Variants in NFIC observed in about 807,000 individuals in gnomAD.
NFIC encodes the protein nuclear factor 1 C-type.
NFIC carries 12 observed loss-of-function variants against 54.4 expected under a neutral mutation model. That is an observed-to-expected ratio of 0.22 (90% CI 0.14 to 0.36). The LOEUF (loss-of-function observed/expected upper bound fraction) is 0.36, where lower values mean the gene tolerates loss of function less well. Ranked by LOEUF, NFIC falls within the 10% of genes least tolerant of loss-of-function variation. The pLI is 1.00. For synonymous variants in NFIC, 322 were observed against 319.2 expected (o/e 1.01, Z -0.09); for missense variants, 575 against 718.2 (o/e 0.80, Z 2.28).
At position 3,452,621 on chromosome 19, in the gene NFIC, T is replaced by C. The variant is rs141932371; in HGVS notation, c.1224T>C (p.Asp408=). The change falls in exon 8 of 11, where the codon GAT becomes GAC. Residue 408 remains aspartate (D), a synonymous_variant. Transcript: ENST00000443272. This position sits in a 1 kb window ranked among gnomAD's most constrained non-coding sequence, Gnocchi z 5.3. The part of the protein sequence containing the change: ...PHLNPQDPLK[D]LVSLACDPAS... ...TCAACCCCCAGGACCCGCTCAAAGA[T>C]CTTGTCTCGCTGGCCTGCGACCCAG... 3.1e-6 allele frequency: 5 copies of C among 1,613,162 alleles called. No homozygotes were observed. In the East Asian group the frequency reaches 1.1e-4, roughly 36 times the overall value.
At chr19:3,437,851 G>C (rs893205498) in intron 6 of NFIC, among the ~76,000 whole-genome samples, 2 of 151,732 alleles carry the variant, frequency 1.3e-5, no homozygotes, top group Admixed American at 1.3e-4. Flanking sequence ...GCTAATTTTT[G>C]TATTTTTAGT....
rs1368816702 is a variant in NFIC at position 3,453,867 on chromosome 19, C to T, written c.1374C>T (p.Thr458=). The T allele has an allele frequency of 1.3e-6, 2 of 1,564,484 alleles. No individual in the cohort carries two copies. Among genetic ancestry groups the T allele is most frequent in the Non-Finnish European group, 1.7e-6 (2 of 1,156,338 alleles). ...CACGGCTGGCGCTCCCCCCTGCCAC[C>T]AAACCCGCCACCACCTCCGAGGGAG... ...GLPRLALPPA[T]KPATTSEGGA... The change falls in exon 9 of 11, where the codon ACC becomes ACT. Residue 458 remains threonine (T), a synonymous_variant. Transcript: ENST00000443272. The surrounding 1 kb of genome is among the most constrained non-coding windows in gnomAD (Gnocchi z 6.7).
chr19:3,430,098 A>G (rs2082097808), intron 3 of NFIC, among the ~76,000 whole-genome samples: 1 of 152,066 alleles, frequency 6.6e-6, no homozygotes, highest in African/African-American at 2.4e-5. Flanking sequence ...GCCTTACCAC[A>G]GGCTGATGCA....
At chr19:3,407,798 C>T (rs1027297103) in intron 2 of NFIC, among the ~76,000 whole-genome samples, 4 of 152,034 alleles carry the variant, frequency 2.6e-5, no homozygotes, top group African/African-American at 9.7e-5. Context: ...CAAACGTTTG[C>T]AGAAAGGGCT....
At chr19:3,362,831 T>A (rs4806922), upstream of NFIC, among the ~76,000 whole-genome samples, 3,926 of 152,094 alleles carry the variant, frequency 0.026, 84 homozygotes, top group Middle Eastern at 0.078. Flanking sequence ...CACACTGCAC[T>A]GCTGTGTAAT....
At chr19:3,445,958 C>A (rs2082367970) in intron 6 of NFIC, among the ~76,000 whole-genome samples, 1 of 152,182 alleles carries the variant, frequency 6.6e-6, no homozygotes, top group Non-Finnish European at 1.5e-5. Flanking sequence ...CACTGAGGGG[C>A]GCTCTTGGCA....
At chr19:3,426,997 G>C (rs932302642) in intron 3 of NFIC, among the ~76,000 whole-genome samples, 2 of 150,526 alleles carry the variant, frequency 1.3e-5, no homozygotes, top group Non-Finnish European at 3.0e-5. Context: ...CGCAATCTCG[G>C]CTCACTGCCA....
chr19:3,389,844 CGTG>C (rs1196808610), intron 2 of NFIC, among the ~76,000 whole-genome samples: 2 of 152,082 alleles, frequency 1.3e-5, no homozygotes, highest in Non-Finnish European at 2.9e-5. Flanking sequence ...ATTAGCCAGG[CGTG>C]GTGGTGCATG....
intron 2 of NFIC, among the ~76,000 whole-genome samples, chr19:3,385,203 C>A (rs534222673): frequency 6.7e-6 from 1 of 149,948 alleles, no homozygotes; most frequent in African/African-American, 2.4e-5. Context: ...CAGGGCACAC[C>A]CCCCCCCAAC....
chr19:3,451,825 A>AT (rs2082467839), intron 7 of NFIC, among the ~76,000 whole-genome samples: 1 of 149,868 alleles, frequency 6.7e-6, no homozygotes, highest in African/African-American at 2.5e-5. Context: ...AAAAAAAAAA[A>AT]AAAAGACGGG....
intron 10 of NFIC, among the ~76,000 whole-genome samples, chr19:3,461,354 T>C (rs1159703785): frequency 6.0e-5 from 9 of 151,254 alleles, no homozygotes; most frequent in Admixed American, 5.9e-4. Flanking sequence ...GCCCAGGAGA[T>C]GGAGGCTGCA....
At chr19:3,420,912 G>A (rs1205467172) in intron 2 of NFIC, among the ~76,000 whole-genome samples, 1 of 152,076 alleles carries the variant, frequency 6.6e-6, no homozygotes, top group African/African-American at 2.4e-5. Context: ...TAGTGGAGAC[G>A]GGGTTTCACC....
At position 3,452,412 on chromosome 19, in the gene NFIC, A is replaced by G; in HGVS notation, c.1085-70A>G. 6.4e-7 allele frequency: 1 copy of G among 1,566,932 alleles called. No individual in the cohort carries two copies. The highest frequency in any genetic ancestry group is 8.7e-7 in the Non-Finnish European group (1 of 1,152,404). ...CGGCAGGAATGACACCCACAGACAC[A>G]CAGTCACACGGTCACAGAGCAGACC... On this transcript the variant is annotated intron_variant, in intron 7 of 10. Transcript: ENST00000443272. The surrounding 1 kb of genome is among the most constrained non-coding windows in gnomAD (Gnocchi z 5.3).
At chr19:3,362,784 C>CT (rs147273860), upstream of NFIC, among the ~76,000 whole-genome samples, 1 of 152,052 alleles carries the variant, frequency 6.6e-6, no homozygotes, top group Non-Finnish European at 1.5e-5. Flanking sequence ...TTGTGAGCCC[C>CT]TTGCTGAGCA....
At chr19:3,395,742 G>T (rs1307225225) in intron 2 of NFIC, among the ~76,000 whole-genome samples, 4 of 151,792 alleles carry the variant, frequency 2.6e-5, no homozygotes, top group African/African-American at 9.7e-5. Flanking sequence ...GTGCAGTGGC[G>T]CAATCTTGGC....
At chr19:3,444,700 T>C (rs1296407847) in intron 6 of NFIC, among the ~76,000 whole-genome samples, 1 of 152,156 alleles carries the variant, frequency 6.6e-6, no homozygotes, top group African/African-American at 2.4e-5. Flanking sequence ...ACTATTTCCA[T>C]CCAGGACAAG....
At chr19:3,367,052 G>A (rs1399791464) in intron 1 of NFIC, among the ~76,000 whole-genome samples, 2 of 151,918 alleles carry the variant, frequency 1.3e-5, no homozygotes, top group African/African-American at 4.8e-5. Context: ...AGGGCTCTGC[G>A]GGAAGCCCCC....
At chr19:3,451,312 C>T (rs1292871164) in intron 7 of NFIC, among the ~76,000 whole-genome samples, 3 of 152,082 alleles carry the variant, frequency 2.0e-5, no homozygotes, top group Admixed American at 6.6e-5. Flanking sequence ...TGAGGAGTGA[C>T]GGCTGATGGA....
chr19:3,434,917 G>A lies in NFIC; in HGVS notation c.834-166G>A, dbSNP rs976958299. 27 of 896,648 alleles carry A rather than the reference G, an allele frequency of 3.0e-5. 1 individual carries two copies. Among genetic ancestry groups the A allele is most frequent in the Admixed American group, 2.1e-4 (7 of 33,520 alleles). The allele number at this position is 896,648 out of a possible 1,614,324, so 55.5% of individuals were successfully genotyped here. A position where few individuals can be genotyped will look rare whatever the true frequency, so the allele number is the denominator to read the frequency against. Reference sequence around the variant, plus strand: ...TCCAAGCAATGGACAGGTTGGAACAGGCGTTCGTAGGGAACGGGCTGAACG... The same window carrying A: ...TCCAAGCAATGGACAGGTTGGAACAAGCGTTCGTAGGGAACGGGCTGAACG... On this transcript the variant is annotated intron_variant, in intron 5 of 10. Transcript: ENST00000443272.
Sources: allele counts gnomAD v4.1 joint callset (sites outside exome capture counted in the v4.1 genomes callset), GRCh38; gene constraint gnomAD v4.1.1; non-coding constraint Gnocchi (gnomAD v3.1); transcripts MANE v1.5; gene names NCBI Gene and HGNC (gene_info 2026-07-23, HGNC 2026-07-21).